Variants in LRP12 observed in about 807,000 individuals in gnomAD.
LRP12 encodes low-density lipoprotein receptor-related protein 12.
In LRP12, 14 loss-of-function variants were observed where a neutral mutation model predicts 66.0. The ratio of observed to expected loss-of-function variants is 0.21; its 90% CI spans 0.14 to 0.33. The LOEUF (loss-of-function observed/expected upper bound fraction) is 0.33. Ranked by LOEUF, LRP12 falls within the 10% of genes least tolerant of loss-of-function variation. The probability of loss-of-function intolerance (pLI) is 1.00; values close to 1 mark genes in which losing one functional copy is unlikely to be tolerated. For synonymous variants in LRP12, 357 were observed against 359.1 expected (o/e 0.99, Z 0.07); for missense variants, 889 against 1,053.4 (o/e 0.84, Z 2.16).
intron 1 of LRP12, among the ~76,000 whole-genome samples, chr8:104,547,668 A>G (rs1811612035): frequency 8.5e-6 from 1 of 117,320 alleles, no homozygotes; most frequent in South Asian, 2.5e-4. Context: ...ATATAATTCT[A>G]TATTATATTT....
chr8:104,508,831 C>G, intron 3 of LRP12, 108 bp downstream of exon 3: 1 of 978,036 alleles, frequency 1.0e-6, no homozygotes, highest in East Asian at 2.6e-5. Context: ...TTTATTACAT[C>G]TCCTGAAAAG....
chr8:104,563,217 T>C (rs1373377342), intron 1 of LRP12, among the ~76,000 whole-genome samples: 1 of 152,186 alleles, frequency 6.6e-6, no homozygotes, highest in East Asian at 1.9e-4. Context: ...TGTATGTATA[T>C]GTATTTATTT....
intron 6 of LRP12, 149 bp downstream of exon 6, chr8:104,494,928 A>G (rs1810701113): frequency 6.4e-6 from 4 of 625,310 alleles, no homozygotes; most frequent in South Asian, 2.9e-5. Flanking sequence ...GTGTTAAACT[A>G]TAATGAAAAC....
rs758817050 is a variant in LRP12 at position 104,491,236 on chromosome 8, C to T, written c.2017G>A (p.Ala673Thr). The T allele has an allele frequency of 4.3e-6, 7 of 1,613,918 alleles. No homozygotes were observed. The African/African-American group carries it at 9.3e-5, about 22-fold the overall frequency. ...DMAGASGGVAAPLPQKVPPTT... is the reference protein window; with the variant it reads ...DMAGASGGVATPLPQKVPPTT... ...GGAGGGACTTTTTGAGGCAAAGGAG[C>T]TGCAACCCCACCAGATGCTCCTGCC... Residue 673 changes from alanine to threonine, a missense_variant, in exon 7 of 7, where the codon GCT (alanine) becomes ACT (threonine). This residue lies in a region of LRP12 where 800 missense variants were observed against 964.5 expected (regional missense o/e 0.83). Coordinates refer to ENST00000276654, the MANE Select transcript of LRP12 (RefSeq NM_013437.5).
intron 1 of LRP12, among the ~76,000 whole-genome samples, chr8:104,569,450 C>A (rs1812047977): frequency 6.6e-6 from 1 of 152,076 alleles, no homozygotes; most frequent in Non-Finnish European, 1.5e-5. Flanking sequence ...GCATAATACA[C>A]TACAACCAAG....
intron 2 of LRP12, among the ~76,000 whole-genome samples, chr8:104,523,870 T>C (rs904528862): frequency 6.6e-6 from 1 of 152,186 alleles, no homozygotes; most frequent in East Asian, 1.9e-4. Flanking sequence ...ACAGTATCAA[T>C]AAATACAGTA....
intron 1 of LRP12, among the ~76,000 whole-genome samples, chr8:104,582,751 T>C (rs1812271949): frequency 6.6e-6 from 1 of 152,156 alleles, no homozygotes; most frequent in Non-Finnish European, 1.5e-5. Flanking sequence ...GCTTGTATAG[T>C]GTTCATAGCC....
chr8:104,552,016 A>G (rs1249527293), intron 1 of LRP12, among the ~76,000 whole-genome samples: 2 of 152,220 alleles, frequency 1.3e-5, no homozygotes, highest in Non-Finnish European at 2.9e-5. Context: ...GAGAGAAGGA[A>G]AAGGATAAAG....
At chr8:104,524,994 T>C (rs889522292) in intron 2 of LRP12, among the ~76,000 whole-genome samples, 2 of 152,116 alleles carry the variant, frequency 1.3e-5, no homozygotes, top group African/African-American at 2.4e-5. Context: ...TATTTCATTC[T>C]ATGTAGCAGA....
At chr8:104,567,703 C>T (rs1215197935) in intron 1 of LRP12, among the ~76,000 whole-genome samples, 1 of 152,028 alleles carries the variant, frequency 6.6e-6, no homozygotes, top group African/African-American at 2.4e-5. Flanking sequence ...ACTAAGAAAA[C>T]AATTCCACTT....
intron 3 of LRP12, among the ~76,000 whole-genome samples, chr8:104,502,535 A>T (rs80243039): frequency 0.018 from 2,727 of 152,280 alleles, 88 homozygotes; most frequent in African/African-American, 0.061. Flanking sequence ...CCTCAAGCTG[A>T]CAAGACCACG....
intron 5 of LRP12, among the ~76,000 whole-genome samples, chr8:104,496,336 A>G (rs1471350140): frequency 6.6e-6 from 1 of 152,194 alleles, no homozygotes; most frequent in Non-Finnish European, 1.5e-5. Flanking sequence ...GCAATGCTGG[A>G]CATTCCTACT....
intron 1 of LRP12, among the ~76,000 whole-genome samples, chr8:104,564,521 G>C (rs894901460): frequency 6.6e-6 from 1 of 152,038 alleles, no homozygotes; most frequent in Non-Finnish European, 1.5e-5. Context: ...TATATTCTCA[G>C]GTGTAGGGAT....
Position 104,499,372 on chromosome 8 carries a change from C to T in LRP12, c.420G>A (p.Arg140=), listed in dbSNP as rs765218005. ...YISSQDHIWI[R]FHSDDNISRK... ...TAGAGATGTTGTCATCCGAATGAAA[C>T]CTAATCCAGATGTGGTCTTGTGAAG... Residue 140 remains arginine (R), a synonymous_variant, in exon 4 of 7, where the codon AGG becomes AGA. Coordinates refer to ENST00000276654, the MANE Select transcript of LRP12 (RefSeq NM_013437.5). 1.2e-6 allele frequency: 2 copies of T among 1,613,748 alleles called. No homozygotes were observed. Among genetic ancestry groups the T allele is most frequent in the Admixed American group, 3.3e-5 (2 of 59,992 alleles).
chr8:104,583,114 T>G (rs958668042), intron 1 of LRP12, among the ~76,000 whole-genome samples: 20 of 152,168 alleles, frequency 1.3e-4, no homozygotes, highest in African/African-American at 4.6e-4. Flanking sequence ...CAAAATCTCC[T>G]AACTGATCAT....
At chr8:104,528,445 A>T (rs777313006) in intron 2 of LRP12, among the ~76,000 whole-genome samples, 1 of 152,152 alleles carries the variant, frequency 6.6e-6, no homozygotes, top group Non-Finnish European at 1.5e-5. Context: ...ATACTCTATT[A>T]AACATTACAT....
chr8:104,490,419 A>G lies in LRP12; in HGVS notation c.*254T>C. The G allele has an allele frequency of 2.5e-6, 1 of 396,106 alleles. No homozygotes were observed. The allele number at this position is 396,106 out of a possible 1,614,324, so 24.5% of individuals were successfully genotyped here. On this transcript the variant is annotated 3_prime_UTR_variant, in exon 7 of 7. Transcript: ENST00000276654. Reference sequence around the variant, plus strand: ...ACAGTGAACTACAGTATCAGGATGAAAACAATCAGAAACAAATGAAAGGAC... The same window carrying G: ...ACAGTGAACTACAGTATCAGGATGAGAACAATCAGAAACAAATGAAAGGAC...
intron 3 of LRP12, among the ~76,000 whole-genome samples, chr8:104,503,022 T>C (rs765510664): frequency 7.2e-5 from 11 of 152,172 alleles, no homozygotes; most frequent in Admixed American, 5.9e-4. Flanking sequence ...CTATCTCTAC[T>C]AAAAATACAA....
chr8:104,512,236 G>C (rs1261939016), intron 2 of LRP12, among the ~76,000 whole-genome samples: 1 of 152,154 alleles, frequency 6.6e-6, no homozygotes, highest in East Asian at 1.9e-4. Context: ...AGAATTGCTT[G>C]AACCTGAGAG....
Sources: gnomAD v4.1 joint callset for allele counts (sites outside exome capture counted in the v4.1 genomes callset) on GRCh38, gnomAD v4.1.1 for gene constraint, gnomAD v4.1.1 regional missense constraint, MANE v1.5 for transcripts, NCBI Gene and HGNC (gene_info 2026-07-23, HGNC 2026-07-21) for gene names.